The following BRWD1 variants were observed in gnomAD, a reference collection of about 807,000 sequenced individuals.
BRWD1 encodes the protein bromodomain and WD repeat domain containing 1.
In BRWD1, 82 loss-of-function variants were observed where a neutral mutation model predicts 251.2. That is an observed-to-expected ratio of 0.33 (90% CI 0.27 to 0.39). BRWD1 has a LOEUF of 0.39. BRWD1 is among the 10% of genes least tolerant of loss of function. The probability of loss-of-function intolerance (pLI) is 1.00; values close to 1 mark genes in which losing one functional copy is unlikely to be tolerated. For synonymous variants in BRWD1, 918 were observed against 902.8 expected (o/e 1.02, Z -0.30); for missense variants, 2,233 against 2,711.6 (o/e 0.82, Z 3.92).
intron 8 of BRWD1, among the ~76,000 whole-genome samples, chr21:39,290,376 C>G (rs987329326): frequency 2.0e-5 from 3 of 151,872 alleles, no homozygotes; most frequent in Admixed American, 2.0e-4. Context: ...GTAGCCCCAG[C>G]TACTCGGGAG....
chr21:39,244,720 T>C (rs2034118672), intron 21 of BRWD1, among the ~76,000 whole-genome samples: 2 of 151,940 alleles, frequency 1.3e-5, no homozygotes. Flanking sequence ...ATGTCTACTG[T>C]GTTGGGCAAA....
At chr21:39,238,079 G>A (rs1182344628) in intron 22 of BRWD1, among the ~76,000 whole-genome samples, 4 of 152,172 alleles carry the variant, frequency 2.6e-5, no homozygotes, top group Non-Finnish European at 2.9e-5. Flanking sequence ...AGATGAAGGT[G>A]ACGTGCACCA....
At chr21:39,312,787 G>A (rs1217732815) in intron 4 of BRWD1, 54 bp downstream of exon 4, 3 of 1,459,586 alleles carry the variant, frequency 2.1e-6, no homozygotes, top group Non-Finnish European at 2.8e-6. Context: ...GGAAGGGGCG[G>A]GGGCGGGGGG....
At chr21:39,233,829 G>A (rs2033712770) in intron 23 of BRWD1, among the ~76,000 whole-genome samples, 1 of 152,118 alleles carries the variant, frequency 6.6e-6, no homozygotes, top group African/African-American at 2.4e-5. Context: ...AGACCACCCT[G>A]GTCAACATGG....
Position 39,195,250 on chromosome 21 carries a change from G to A in BRWD1, c.*1009C>T, listed in dbSNP as rs1467477009. On this transcript the variant is annotated 3_prime_UTR_variant, in exon 41 of 41. Coordinates refer to ENST00000342449, the MANE Select transcript of BRWD1 (RefSeq NM_033656.4). ...TGACATTTAGCTATTTTCCTATATA[G>A]ATAAGATTTGCAATTGTACTCTTAA... 2.3e-5 allele frequency: 23 copies of A among 1,020,718 alleles called. No individual in the cohort carries two copies. Among genetic ancestry groups the A allele is most frequent in the Middle Eastern group, 4.8e-4 (1 of 2,074 alleles). 63.2% of individuals were successfully genotyped at this position (1,020,718 alleles called of 1,614,324 possible).
At chr21:39,250,916 T>G (rs1297524125) in intron 19 of BRWD1, 27 bp from the exon 20 acceptor site, 5 of 1,386,922 alleles carry the variant, frequency 3.6e-6, no homozygotes, top group Non-Finnish European at 5.0e-6. Context: ...CCAGTTATAT[T>G]AACTACTGAA....
intron 12 of BRWD1, among the ~76,000 whole-genome samples, chr21:39,274,816 T>C (rs1258502065): frequency 6.6e-6 from 1 of 152,056 alleles, no homozygotes; most frequent in Non-Finnish European, 1.5e-5. Flanking sequence ...CCAAGGTGGG[T>C]GGATCACAAG....
chr21:39,312,876 C>T lies in BRWD1; in HGVS notation c.163G>A (p.Glu55Lys). The part of the protein sequence containing the change: ...YQLLPKRLDW[E>K]GNEHNRSYEE... ...TAGCTCCTGTTGTGCTCGTTGCCCT[C>T]CCAGTCCAATCTCTTCGGCAACAAC... The change falls in exon 4 of 41, where the codon GAG becomes AAG. Residue 55 changes from glutamate (E) to lysine (K), a missense_variant. Transcript: ENST00000342449. 1.9e-6 allele frequency: 3 copies of T among 1,569,356 alleles called. No individual in the cohort carries two copies. Among genetic ancestry groups the T allele is most frequent in the Non-Finnish European group, 2.6e-6 (3 of 1,160,376 alleles).
chr21:39,256,101 G>A (rs946094177), intron 18 of BRWD1, among the ~76,000 whole-genome samples: 5 of 152,200 alleles, frequency 3.3e-5, no homozygotes, highest in African/African-American at 4.8e-5. Flanking sequence ...TTATAGGCAT[G>A]AGCCACTGCA....
At chr21:39,317,709 C>T (rs2036712412), upstream of BRWD1, among the ~76,000 whole-genome samples, 1 of 152,232 alleles carries the variant, frequency 6.6e-6, no homozygotes, top group Admixed American at 6.5e-5. Flanking sequence ...CGTGTGTAAT[C>T]TCATTTACCG....
intron 21 of BRWD1, among the ~76,000 whole-genome samples, chr21:39,245,368 A>G (rs771938217): frequency 1.3e-5 from 2 of 152,226 alleles, no homozygotes; most frequent in African/African-American, 2.4e-5. Flanking sequence ...CCTCTGAGGT[A>G]CATGTTACCA....
chr21:39,216,739 TAA>T (rs2032908349), intron 31 of BRWD1: 1 of 414,386 alleles, frequency 2.4e-6, no homozygotes, highest in East Asian at 7.0e-5. Flanking sequence ...ACAACAAAAG[TAA>T]AGCCTGAAGA....
intron 8 of BRWD1, among the ~76,000 whole-genome samples, chr21:39,290,889 T>C (rs975011223): frequency 6.6e-6 from 1 of 152,098 alleles, no homozygotes; most frequent in African/African-American, 2.4e-5. Flanking sequence ...TCCAGCACTT[T>C]GGGAGGTGGA....
At chr21:39,229,174 A>C in intron 26 of BRWD1, 138 bp downstream of exon 26, 1 of 715,106 alleles carries the variant, frequency 1.4e-6, no homozygotes, top group Non-Finnish European at 2.3e-6. Context: ...AGCCATCAGA[A>C]GCTCGAGCCA....
rs2033030617 is a variant in BRWD1 at position 39,218,137 on chromosome 21, C to G, written c.3659+15G>C. On this transcript the variant is annotated intron_variant, in intron 31 of 40. Transcript: ENST00000342449. ...TATAGCTTTTTAAACATTTTGAAAGCAGGTTTCTACTAACCTGTAAAATCG... is the reference window on the plus strand; with the variant it reads ...TATAGCTTTTTAAACATTTTGAAAGGAGGTTTCTACTAACCTGTAAAATCG... 2 of 1,582,300 alleles carry G rather than the reference C, an allele frequency of 1.3e-6. No individual in the cohort carries two copies. The highest frequency in any genetic ancestry group is 2.7e-5 in the African/African-American group (2 of 73,250).
intron 4 of BRWD1, among the ~76,000 whole-genome samples, chr21:39,304,957 AT>A (rs36090972): frequency 1.1e-3 from 130 of 121,162 alleles, no homozygotes; most frequent in African/African-American, 1.2e-3. Flanking sequence ...ATATTTGGAG[AT>A]TTTTTTTTTT....
At chr21:39,288,972 T>G (rs2035726142) in intron 8 of BRWD1, among the ~76,000 whole-genome samples, 1 of 152,176 alleles carries the variant, frequency 6.6e-6, no homozygotes, top group Non-Finnish European at 1.5e-5. Flanking sequence ...TTACAAAAAG[T>G]GAGGATTATC....
intron 18 of BRWD1, among the ~76,000 whole-genome samples, chr21:39,257,978 G>T (rs1474724496): frequency 2.0e-5 from 3 of 152,112 alleles, no homozygotes; most frequent in Admixed American, 2.0e-4. Context: ...AATGAATAAT[G>T]AAACTTGTTA....
At chr21:39,281,892 AT>A (rs1568948165) in intron 8 of BRWD1, among the ~76,000 whole-genome samples, 6 of 18,318 alleles carry the variant, frequency 3.3e-4, no homozygotes, top group African/African-American at 9.5e-4. Flanking sequence ...ATATATATAT[AT>A]GTATGTATGT....
Sources: allele counts gnomAD v4.1 joint callset (sites outside exome capture counted in the v4.1 genomes callset), GRCh38; gene constraint gnomAD v4.1.1; transcripts MANE v1.5; gene names NCBI Gene and HGNC (gene_info 2026-07-23, HGNC 2026-07-21).